FAM3C: variants seen among roughly 807,000 people sequenced by gnomAD.
FAM3C encodes the protein protein FAM3C.
FAM3C carries 15 observed loss-of-function variants against 32.5 expected under a neutral mutation model. That is an observed-to-expected ratio of 0.46 (90% confidence interval 0.31 to 0.71). The LOEUF is 0.71. Among genes scored for constraint, FAM3C ranks in the 30% least tolerant of loss-of-function variants. FAM3C has a pLI of 0.05. For synonymous variants in FAM3C, 75 were observed against 86.1 expected, an observed-to-expected ratio of 0.87 and a Z score of 0.72; for missense variants, 175 against 274.4, an observed-to-expected ratio of 0.64 and a Z score of 2.56.
chr7:121,371,988 C>G, intron 4 of FAM3C, 122 bp downstream of exon 4: 1 of 684,274 alleles, frequency 1.5e-6, no homozygotes, highest in Admixed American at 3.0e-5. Flanking sequence ...ATCCTCATAA[C>G]TTTAAAAAGC....
rs990037328 is a variant in FAM3C, at chr7:121,361,181, T to C, written c.383-1054A>G. On this transcript the variant is annotated intron_variant, in intron 7 of 9. Coordinates refer to ENST00000359943, the MANE Select transcript of FAM3C (RefSeq NM_014888.3). Reference sequence around the variant, plus strand: ...GTTGATGCCAGATACATAGGTCAGATTCTAAAAACCACTTGACATCTTGAA... The same window carrying C: ...GTTGATGCCAGATACATAGGTCAGACTCTAAAAACCACTTGACATCTTGAA... 3.7e-4 allele frequency among the ~76,000 whole-genome samples: 56 copies of C among 152,186 alleles called. 3 individuals are homozygous for C.
At chr7:121,393,364 G>A (rs945108783) in intron 1 of FAM3C, among the ~76,000 whole-genome samples, 4 of 152,238 alleles carry the variant, frequency 2.6e-5, no homozygotes, top group African/African-American at 9.6e-5. Context: ...AGGCTAAGGT[G>A]GAGTTCAAGG....
At chr7:121,395,969 G>A (rs575661382) in intron 1 of FAM3C, among the ~76,000 whole-genome samples, 193 bp downstream of exon 1, 22 of 151,686 alleles carry the variant, frequency 1.5e-4, no homozygotes, top group Non-Finnish European at 2.5e-4. Context: ...GGCTCTCCGG[G>A]ACCCCAGTCC....
chr7:121,376,104 A>T (rs1794233973), intron 3 of FAM3C, among the ~76,000 whole-genome samples: 1 of 152,200 alleles, frequency 6.6e-6, no homozygotes, highest in South Asian at 2.1e-4. Flanking sequence ...GTGTTCTGAA[A>T]GGCCACCAGG....
At position 121,383,088 on chromosome 7, in the gene FAM3C, C is replaced by T. The variant is rs1794390513; in HGVS notation, c.-41-78G>A. On this transcript the variant is annotated intron_variant, in intron 1 of 9. Transcript: ENST00000359943. ...TCCTTAGATTGAGTTTGAAATGGGGCATATAAACTAGTAAATTTTATGACA... is the reference window on the plus strand; with the variant it reads ...TCCTTAGATTGAGTTTGAAATGGGGTATATAAACTAGTAAATTTTATGACA... The T allele has an allele frequency of 5.8e-6, 4 of 690,138 alleles. No homozygotes were observed. The East Asian group carries it at 1.1e-4, about 20-fold the overall frequency. 42.8% of individuals were successfully genotyped at this position (690,138 alleles called of 1,614,324 possible).
chr7:121,385,990 T>G (rs1794457537), intron 1 of FAM3C, among the ~76,000 whole-genome samples: 1 of 152,072 alleles, frequency 6.6e-6, no homozygotes, highest in South Asian at 2.1e-4. Context: ...TCCTTTTCAC[T>G]CCAGCTGTTC....
rs768998025 is a variant in FAM3C at position 121,372,098 on chromosome 7, T to C, written c.148+12A>G. ...ATAAATCATACATAAAATATTGAGA[T>C]GAAATACTTACAACGTGCAGCTGTG... On this transcript the variant is annotated intron_variant, in intron 4 of 9. Transcript: ENST00000359943. The C allele has an allele frequency of 3.8e-6, 6 of 1,597,858 alleles. No homozygotes were observed. Among genetic ancestry groups the C allele is most frequent in the African/African-American group, 1.3e-5 (1 of 74,526 alleles).
At chr7:121,368,273 A>G (rs1363552436) in intron 5 of FAM3C, among the ~76,000 whole-genome samples, 1 of 152,176 alleles carries the variant, frequency 6.6e-6, no homozygotes, top group African/African-American at 2.4e-5. Flanking sequence ...TACAAGGAGT[A>G]CCTCCAAAGC....
intron 8 of FAM3C, among the ~76,000 whole-genome samples, chr7:121,357,473 T>C (rs1793836948): frequency 6.6e-6 from 1 of 152,170 alleles, no homozygotes; most frequent in African/African-American, 2.4e-5. Context: ...ACTGCAAATG[T>C]GCCACAATTA....
chr7:121,389,690 C>T (rs900942416), intron 1 of FAM3C, among the ~76,000 whole-genome samples: 8 of 151,376 alleles, frequency 5.3e-5, no homozygotes, highest in South Asian at 2.1e-4. Flanking sequence ...AGATGCTATG[C>T]GGCTGGTATA....
intron 8 of FAM3C, among the ~76,000 whole-genome samples, chr7:121,354,834 C>G (rs1056767270): frequency 2.6e-5 from 4 of 152,044 alleles, no homozygotes; most frequent in African/African-American, 7.2e-5. Context: ...AACAGAAAAA[C>G]TCTATAATTT....
chr7:121,382,514 C>A (rs776618546), intron 2 of FAM3C, among the ~76,000 whole-genome samples: 1 of 150,680 alleles, frequency 6.6e-6, no homozygotes, highest in Non-Finnish European at 1.5e-5. Context: ...GGTTGTCAAA[C>A]CATTCTTTAT....
chr7:121,355,314 A>G (rs1168601932), intron 8 of FAM3C, among the ~76,000 whole-genome samples: 5 of 152,222 alleles, frequency 3.3e-5, no homozygotes, highest in Non-Finnish European at 5.9e-5. Context: ...ATAATCATCA[A>G]GGTAGTGTCA....
intron 1 of FAM3C, among the ~76,000 whole-genome samples, chr7:121,386,692 C>CACAT (rs933333713): frequency 2.7e-5 from 4 of 147,270 alleles, no homozygotes; most frequent in Admixed American, 6.8e-5. Context: ...CACACGCACA[C>CACAT]ATATATATAT....
At chr7:121,359,721 A>G (rs1793882801) in intron 8 of FAM3C, among the ~76,000 whole-genome samples, 1 of 152,048 alleles carries the variant, frequency 6.6e-6, no homozygotes, top group Non-Finnish European at 1.5e-5. Flanking sequence ...TTTAAAGGTG[A>G]GCCCATAACT....
intron 7 of FAM3C, among the ~76,000 whole-genome samples, chr7:121,361,973 G>A (rs965346333): frequency 6.6e-6 from 1 of 152,158 alleles, no homozygotes; most frequent in Non-Finnish European, 1.5e-5. Context: ...CACCACGTCC[G>A]GCTACATACC....
chr7:121,382,813 A>G, intron 2 of FAM3C, 144 bp downstream of exon 2: 1 of 601,344 alleles, frequency 1.7e-6, no homozygotes, highest in Non-Finnish European at 2.8e-6. Context: ...TTTGCCAACT[A>G]CCTAAAAACA....
chr7:121,353,899 T>C (rs1397367056), intron 8 of FAM3C, among the ~76,000 whole-genome samples: 2 of 152,280 alleles, frequency 1.3e-5, no homozygotes, highest in Admixed American at 6.5e-5. Flanking sequence ...ATCACAACCA[T>C]GAGACCTACT....
intron 5 of FAM3C, among the ~76,000 whole-genome samples, chr7:121,365,544 T>G (rs1219298635): frequency 6.6e-6 from 1 of 152,064 alleles, no homozygotes; most frequent in Non-Finnish European, 1.5e-5. Flanking sequence ...GGAGATACAT[T>G]CAAAAACACT....
Sources: allele counts gnomAD v4.1 joint callset (sites outside exome capture counted in the v4.1 genomes callset), GRCh38; gene constraint gnomAD v4.1.1; transcripts MANE v1.5; gene names NCBI Gene and HGNC (gene_info 2026-07-23, HGNC 2026-07-21).